CELF4: variants seen among roughly 807,000 people sequenced by gnomAD.
CELF4 encodes CUGBP Elav-like family member 4, also known as CUG-BP- and ETR-3-like factor 4.
Under a neutral mutation model 59.9 loss-of-function variants are expected in CELF4, and 18 were observed. The observed-to-expected ratio is 0.30, with a 90% CI of 0.21 to 0.45. The LOEUF is 0.45. CELF4 is among the 20% of genes least tolerant of loss of function. The probability of loss-of-function intolerance (pLI) is 1.00; values close to 1 mark genes in which losing one functional copy is unlikely to be tolerated. For missense variants in CELF4, 456 were observed against 689.0 expected (o/e 0.66, Z 3.79); for synonymous variants, 261 against 267.1 (o/e 0.98, Z 0.22).
At chr18:37,494,916 G>A (rs372000868) in intron 1 of CELF4, among the ~76,000 whole-genome samples, 11 of 152,244 alleles carry the variant, frequency 7.2e-5, no homozygotes, top group South Asian at 2.1e-4. Flanking sequence ...TCTTCTTCCC[G>A]CAGACACCCA....
chr18:37,548,696 T>C lies in CELF4; in HGVS notation c.286+16660A>G, dbSNP rs544599604. Among the ~76,000 whole-genome samples, 40 of 152,298 alleles carry C rather than the reference T, an allele frequency of 2.6e-4. 1 individual carries two copies. The South Asian group carries it at 8.3e-3, about 32-fold the overall frequency. ...TCTCATATGATCCTCACAATGACCC[T>C]AAGCAATGGGTTGAGCAGGTGTTGC... On this transcript the variant is annotated intron_variant, in intron 1 of 12. Transcript: ENST00000420428.
intron 3 of CELF4, among the ~76,000 whole-genome samples, chr18:37,310,255 G>C (rs150229436): frequency 9.2e-5 from 14 of 152,240 alleles, no homozygotes; most frequent in African/African-American, 2.6e-4. Flanking sequence ...TGGGACCAGA[G>C]GGCTTGGCGG....
intron 2 of CELF4, among the ~76,000 whole-genome samples, chr18:37,328,169 G>A (rs2097394072): frequency 6.6e-6 from 1 of 152,246 alleles, no homozygotes; most frequent in African/African-American, 2.4e-5. Context: ...TGGAGTACGT[G>A]TGTGCAACTG....
rs1027826525 is a variant in CELF4 at position 37,254,145 on chromosome 18, G to T, written c.1334-207C>A. 3.3e-5 allele frequency among the ~76,000 whole-genome samples: 5 copies of T among 150,264 alleles called. No individual in the cohort carries two copies. The highest frequency in any genetic ancestry group is 1.2e-4 in the African/African-American group (5 of 41,112). ...CGGGGGCAGGCGCTGGCGGGGACCCGGCTCGCTGACCTGCGCCTAGTCTCT... is the reference window on the plus strand; with the variant it reads ...CGGGGGCAGGCGCTGGCGGGGACCCTGCTCGCTGACCTGCGCCTAGTCTCT... On this transcript the variant is annotated intron_variant, in intron 11 of 12. Coordinates refer to ENST00000420428, the MANE Select transcript of CELF4 (RefSeq NM_020180.4). This position sits in a 1 kb window ranked among gnomAD's most constrained non-coding sequence, Gnocchi z 5.1.
At chr18:37,444,617 T>TACACACACAC (rs61248144) in intron 2 of CELF4, among the ~76,000 whole-genome samples, 17,149 of 134,020 alleles carry the variant, frequency 0.13, 1,411 homozygotes, top group East Asian at 0.22. Flanking sequence ...CTAGCATGCA[T>TACACACACAC]ACACACACAC....
chr18:37,310,410 A>G (rs2096601829), intron 3 of CELF4, among the ~76,000 whole-genome samples: 1 of 152,082 alleles, frequency 6.6e-6, no homozygotes, highest in South Asian at 2.1e-4. Flanking sequence ...GCTTCCCTTT[A>G]CCTAAATGTA....
intron 1 of CELF4, among the ~76,000 whole-genome samples, chr18:37,547,186 T>TGC (rs2099981724): frequency 1.3e-5 from 2 of 151,762 alleles, no homozygotes. Flanking sequence ...TGTGTGTGTG[T>TGC]GTGTATTCTC....
intron 1 of CELF4, among the ~76,000 whole-genome samples, chr18:37,543,372 C>A (rs1269924559): frequency 1.3e-5 from 2 of 152,216 alleles, no homozygotes; most frequent in East Asian, 3.9e-4. Flanking sequence ...ATCTTCCCGG[C>A]CATCTCCCCA....
intron 1 of CELF4, among the ~76,000 whole-genome samples, chr18:37,497,227 A>C (rs1428676919): frequency 3.9e-5 from 6 of 152,292 alleles, no homozygotes; most frequent in African/African-American, 1.4e-4. Flanking sequence ...AAGACCCAAC[A>C]AACCATGTGA....
At chr18:37,488,881 C>A (rs2099889421) in intron 1 of CELF4, among the ~76,000 whole-genome samples, 1 of 152,194 alleles carries the variant, frequency 6.6e-6, no homozygotes, top group Admixed American at 6.5e-5. Flanking sequence ...CCAGGAGAGC[C>A]CCTTCCCAGG....
intron 2 of CELF4, among the ~76,000 whole-genome samples, chr18:37,347,212 G>A (rs1412758578): frequency 6.6e-6 from 1 of 152,094 alleles, no homozygotes; most frequent in East Asian, 1.9e-4. Context: ...AGAGAATGGG[G>A]AGCCCCAGAG....
intron 1 of CELF4, among the ~76,000 whole-genome samples, chr18:37,534,694 A>G (rs566142193): frequency 5.1e-4 from 77 of 152,326 alleles, no homozygotes; most frequent in East Asian, 1.5e-3. Flanking sequence ...AGAATAAACA[A>G]GATCATTTAA....
chr18:37,339,753 C>CA (rs1300133217), intron 2 of CELF4, among the ~76,000 whole-genome samples: 2,827 of 69,090 alleles, frequency 0.041, 45 homozygotes, highest in African/African-American at 0.069. Flanking sequence ...GACTCTGTCT[C>CA]AAAAAAAAAA....
intron 2 of CELF4, among the ~76,000 whole-genome samples, chr18:37,351,843 G>A (rs1320474604): frequency 6.6e-6 from 1 of 151,824 alleles, no homozygotes; most frequent in Non-Finnish European, 1.5e-5. Flanking sequence ...CATACTCCTG[G>A]GGCCTCAAGT....
chr18:37,353,091 C>G (rs944270365), intron 2 of CELF4, among the ~76,000 whole-genome samples: 13 of 151,740 alleles, frequency 8.6e-5, no homozygotes, highest in South Asian at 2.1e-4. Flanking sequence ...TGTGATGGCA[C>G]GTGCCTGCAG....
intron 3 of CELF4, among the ~76,000 whole-genome samples, chr18:37,308,291 G>C (rs546987089): frequency 4.4e-4 from 66 of 150,968 alleles, no homozygotes; most frequent in African/African-American, 1.5e-3. Context: ...TTTGCCTGGC[G>C]TTCCCTGAAA....
intron 10 of CELF4, among the ~76,000 whole-genome samples, chr18:37,260,895 C>T (rs921256580): frequency 2.0e-5 from 3 of 152,010 alleles, no homozygotes; most frequent in South Asian, 2.1e-4. Flanking sequence ...TGGGGGACGG[C>T]GCATTCAGAA....
At chr18:37,432,844 C>T (rs1270690879) in intron 2 of CELF4, among the ~76,000 whole-genome samples, 2 of 152,192 alleles carry the variant, frequency 1.3e-5, no homozygotes, top group East Asian at 3.9e-4. Flanking sequence ...GATTGAGCTC[C>T]TACCTTGAAT....
At chr18:37,562,236 T>G (rs1037644911) in intron 1 of CELF4, among the ~76,000 whole-genome samples, 1 of 152,228 alleles carries the variant, frequency 6.6e-6, no homozygotes. Context: ...CCTTTTAAGG[T>G]GCACTCTACG....
Sources: gnomAD v4.1 joint callset for allele counts (sites outside exome capture counted in the v4.1 genomes callset) on GRCh38, gnomAD v4.1.1 for gene constraint, Gnocchi (gnomAD v3.1) non-coding constraint, MANE v1.5 for transcripts, NCBI Gene and HGNC (gene_info 2026-07-23, HGNC 2026-07-21) for gene names.